The following PTPN12 variants were observed in gnomAD, a reference collection of about 807,000 sequenced individuals.
PTPN12 encodes the protein protein tyrosine phosphatase non-receptor type 12.
A neutral mutation model predicts 97.6 loss-of-function variants in PTPN12; 29 were observed. That is an observed-to-expected ratio of 0.30 (90% CI 0.22 to 0.41). The LOEUF is 0.41. Among genes scored for constraint, PTPN12 ranks in the 10% least tolerant of loss-of-function variants. The pLI, the probability that PTPN12 is intolerant of heterozygous loss-of-function variation, is 1.00. For synonymous variants in PTPN12, 327 were observed against 300.4 expected, an observed-to-expected ratio of 1.09 and a Z score of -0.91; for missense variants, 819 against 926.0, an observed-to-expected ratio of 0.88 and a Z score of 1.50.
chr7:77,611,437 GCTTTT>G (rs1365927343), intron 11 of PTPN12, among the ~76,000 whole-genome samples: 3 of 151,812 alleles, frequency 2.0e-5, no homozygotes, highest in Admixed American at 6.6e-5. Flanking sequence ...TTGTGTATAT[GCTTTT>G]CTTTTCTTTT....
At chr7:77,632,882 G>A (rs536768266) in intron 14 of PTPN12, among the ~76,000 whole-genome samples, 5 of 152,202 alleles carry the variant, frequency 3.3e-5, no homozygotes, top group Non-Finnish European at 7.3e-5. Context: ...ACTTGAACCC[G>A]GGAGTTGGAG....
rs985831819 is a variant in PTPN12 at position 77,639,347 on chromosome 7, T to C, written c.*67T>C. The C allele has an allele frequency of 4.5e-5, 59 of 1,299,120 alleles. No individual in the cohort carries two copies. The highest frequency in any genetic ancestry group is 1.8e-4 in the Middle Eastern group (1 of 5,478). 80.5% of individuals were successfully genotyped at this position (1,299,120 alleles called of 1,614,324 possible). ...CAGGTGCCACTGAAAGCCAGATTTATAGTATTCCATCTTTAATATGTGGGA... is the reference window on the plus strand; with the variant it reads ...CAGGTGCCACTGAAAGCCAGATTTACAGTATTCCATCTTTAATATGTGGGA... On this transcript the variant is annotated 3_prime_UTR_variant, in exon 18 of 18. Transcript: ENST00000248594.
At chr7:77,607,142 T>C (rs1279038908) in intron 8 of PTPN12, 93 bp from the exon 9 acceptor site, 1 of 1,023,058 alleles carries the variant, frequency 9.8e-7, no homozygotes, top group Non-Finnish European at 1.4e-6. Flanking sequence ...CTTAAATGAT[T>C]TTTTGTTTCT....
intron 6 of PTPN12, among the ~76,000 whole-genome samples, chr7:77,597,228 A>G (rs551711308): frequency 2.0e-5 from 3 of 152,268 alleles, no homozygotes; most frequent in East Asian, 1.9e-4. Context: ...GGTTCAAGCA[A>G]TTCTACTGCC....
chr7:77,582,036 C>G (rs1787531927), intron 3 of PTPN12, among the ~76,000 whole-genome samples: 1 of 139,670 alleles, frequency 7.2e-6, no homozygotes, highest in South Asian at 2.3e-4. Context: ...TAAATAGTCT[C>G]TTTTATAACC....
At chr7:77,625,526 TCTCA>T (rs1191646519) in intron 12 of PTPN12, among the ~76,000 whole-genome samples, 4 of 112,542 alleles carry the variant, frequency 3.6e-5, no homozygotes, top group Admixed American at 9.5e-5. Context: ...TCTCTCTCAC[TCTCA>T]CTCTCACTCG....
chr7:77,564,966 C>T (rs1808196699), intron 1 of PTPN12, among the ~76,000 whole-genome samples: 1 of 142,738 alleles, frequency 7.0e-6, no homozygotes, highest in African/African-American at 2.5e-5. Flanking sequence ...CCATGTTGGC[C>T]AGGATGGTCT....
intron 12 of PTPN12, among the ~76,000 whole-genome samples, chr7:77,619,275 A>G (rs1015307456): frequency 1.3e-5 from 2 of 152,196 alleles, no homozygotes; most frequent in Non-Finnish European, 2.9e-5. Context: ...TCGACTTCCC[A>G]TCAAAATAAA....
At chr7:77,633,662 T>C (rs1789483412) in intron 14 of PTPN12, among the ~76,000 whole-genome samples, 1 of 151,562 alleles carries the variant, frequency 6.6e-6, no homozygotes, top group African/African-American at 2.4e-5. Flanking sequence ...TTTCCTTAGA[T>C]TTAGGTCAGT....
At chr7:77,628,200 AG>A (rs1789270204) in intron 13 of PTPN12, among the ~76,000 whole-genome samples, 1 of 152,204 alleles carries the variant, frequency 6.6e-6, no homozygotes, top group Admixed American at 6.5e-5. Flanking sequence ...AGTTTAACCC[AG>A]GAACAATACT....
chr7:77,563,527 A>G (rs1808088458), intron 1 of PTPN12, among the ~76,000 whole-genome samples: 1 of 152,194 alleles, frequency 6.6e-6, no homozygotes, highest in South Asian at 2.1e-4. Context: ...CATGAAGATG[A>G]TTTCTGTATT....
chr7:77,613,469 C>T (rs1277743388), intron 11 of PTPN12, among the ~76,000 whole-genome samples: 1 of 151,772 alleles, frequency 6.6e-6, no homozygotes, highest in Non-Finnish European at 1.5e-5. Context: ...GCTACTGCAC[C>T]CAGCATCTTT....
intron 2 of PTPN12, 133 bp downstream of exon 2, chr7:77,571,319 G>C: frequency 1.7e-6 from 1 of 588,144 alleles, no homozygotes; most frequent in Non-Finnish European, 2.9e-6. Flanking sequence ...TACATGGAAA[G>C]ATAATAATTC....
chr7:77,615,517 C>T (rs1002307957), intron 11 of PTPN12, among the ~76,000 whole-genome samples: 3 of 152,148 alleles, frequency 2.0e-5, no homozygotes, highest in African/African-American at 7.2e-5. Flanking sequence ...GATGCCAGGG[C>T]AGGAGAATTG....
At chr7:77,590,394 G>C (rs1232413244) in intron 5 of PTPN12, among the ~76,000 whole-genome samples, 1 of 152,036 alleles carries the variant, frequency 6.6e-6, no homozygotes, top group East Asian at 1.9e-4. Flanking sequence ...TTAAAAAAAT[G>C]TTTTTTAAAC....
chr7:77,628,454 T>C (rs1221708229), intron 13 of PTPN12, among the ~76,000 whole-genome samples: 1 of 152,130 alleles, frequency 6.6e-6, no homozygotes, highest in Non-Finnish European at 1.5e-5. Context: ...TGTTTATTGA[T>C]ATATTGATTA....
chr7:77,625,474 T>TCGCGCGCG (rs761174867), intron 12 of PTPN12, among the ~76,000 whole-genome samples: 1,577 of 29,004 alleles, frequency 0.054, 251 homozygotes, highest in Middle Eastern at 0.078. Flanking sequence ...GGCTGCTCGC[T>TCGCGCGCG]CTCTCTCTCT....
rs146032863 is a variant in PTPN12 at position 77,568,392 on chromosome 7, T to C, written c.100-2686T>C. On this transcript the variant is annotated intron_variant, in intron 1 of 17. Coordinates refer to ENST00000248594, the MANE Select transcript of PTPN12 (RefSeq NM_002835.4). ...CTTACACTTGTATTCCCCAGCACTT[T>C]GGAATGTTGAGGCAGGAGGATTGCT... Among the ~76,000 whole-genome samples, 865 of 152,304 alleles carry C rather than the reference T, an allele frequency of 5.7e-3. 7 individuals are homozygous for C. The highest frequency in any genetic ancestry group is 8.9e-3 in the Non-Finnish European group (607 of 68,030).
chr7:77,616,575 TTGACA>T (rs781449165), intron 11 of PTPN12, among the ~76,000 whole-genome samples: 2 of 152,222 alleles, frequency 1.3e-5, no homozygotes, highest in South Asian at 4.1e-4. Context: ...AAATATTTCA[TTGACA>T]TGACATGAGT....
Sources: allele counts gnomAD v4.1 joint callset (sites outside exome capture counted in the v4.1 genomes callset), GRCh38; gene constraint gnomAD v4.1.1; transcripts MANE v1.5; gene names NCBI Gene and HGNC (gene_info 2026-07-23, HGNC 2026-07-21).